LILRA4: variants seen among roughly 807,000 people sequenced by gnomAD.
The protein encoded by LILRA4 is leukocyte immunoglobulin like receptor A4.
In LILRA4, 51 loss-of-function variants were observed where a neutral mutation model predicts 49.5. The observed-to-expected ratio is 1.03, with a 90% CI of 0.82 to 1.30. LILRA4 has a LOEUF of 1.30. LILRA4 is among the 50% of genes most tolerant of loss of function. LILRA4 has a pLI of 0.00. For missense variants in LILRA4, 624 were observed against 625.6 expected, an observed-to-expected ratio of 1.00 and a Z score of 0.03; for synonymous variants, 272 against 265.6, an observed-to-expected ratio of 1.02 and a Z score of -0.23.
At position 54,333,739 on chromosome 19, in the gene LILRA4, C is replaced by T. The variant is rs1331537910; in HGVS notation, c.1333G>A (p.Glu445Lys). ...TAPHLQDYTV[E>K]NLIRMGVAGL... ...GCCACACCCATGCGGATGAGATTCT[C>T]CACTGTGTAATCCTGGAGGTGTGGG... Residue 445 changes from glutamate (E) to lysine (K), a missense_variant, in exon 8 of 8, where the codon GAG becomes AAG. Physicochemically the swap from Glu to Lys is moderately conservative, Grantham distance 56. Transcript: ENST00000291759. 3 of 1,614,086 alleles carry T rather than the reference C, an allele frequency of 1.9e-6. No individual in the cohort carries two copies. Among genetic ancestry groups the T allele is most frequent in the Admixed American group, 3.3e-5 (2 of 59,996 alleles).
chr19:54,336,776 A>C, intron 6 of LILRA4, 65 bp downstream of exon 6: 1 of 1,569,870 alleles, frequency 6.4e-7, no homozygotes, highest in Non-Finnish European at 8.7e-7. Flanking sequence ...ACTCTCTTGG[A>C]AGCTCTCCTT....
In LILRA4 at chr19:54,333,296, G is replaced by A. The variant is rs2081289639; in HGVS notation, c.*276C>T. The A allele has an allele frequency of 1.9e-6, 1 of 515,210 alleles. No homozygotes were observed. The highest frequency in any genetic ancestry group is 3.4e-6 in the Non-Finnish European group (1 of 294,300). 31.9% of individuals were successfully genotyped at this position (515,210 alleles called of 1,614,324 possible). A position where few individuals can be genotyped will look rare whatever the true frequency, so the allele number is the denominator to read the frequency against. ...GCAGTAGTTAGAAATAAAGAAAGGTGTATTACCTGAAAGTGGAGCAGAGCA... is the reference window on the plus strand; with the variant it reads ...GCAGTAGTTAGAAATAAAGAAAGGTATATTACCTGAAAGTGGAGCAGAGCA... On this transcript the variant is annotated 3_prime_UTR_variant, in exon 8 of 8. Coordinates refer to ENST00000291759, the MANE Select transcript of LILRA4 (RefSeq NM_012276.5).
chr19:54,335,052 A>C (rs2081309727), intron 6 of LILRA4: 1 of 152,320 alleles, frequency 6.6e-6, no homozygotes, highest in East Asian at 1.9e-4. Context: ...AAAAATATTA[A>C]GCACAGGATT....
chr19:54,338,685 A>C lies in LILRA4; in HGVS notation c.71-5T>G. The C allele has an allele frequency of 6.2e-7, 1 of 1,604,584 alleles. No homozygotes were observed. The highest frequency in any genetic ancestry group is 8.5e-7 in the Non-Finnish European group (1 of 1,175,034). ...GGATGGGTTTGAGTAGGTTTTCTGG[A>C]AGGAAATTACAGGTTAGGTCCCAAG... On this transcript the variant is annotated splice_region_variant and splice_polypyrimidine_tract_variant and intron_variant, in intron 2 of 7. Coordinates refer to ENST00000291759, the MANE Select transcript of LILRA4 (RefSeq NM_012276.5).
chr19:54,336,896 G>T lies in LILRA4; in HGVS notation c.1200C>A (p.Ser400Arg), dbSNP rs1407588819. Residue 400 changes from serine to arginine, a missense_variant, in exon 6 of 8, where the codon AGC becomes AGA. Ser to Arg is a moderately radical substitution (Grantham distance 110). Transcript: ENST00000291759. ...GGTGAGACAGCAGGTAGGGGTTGGA[G>T]CTGCGTGAGCCGTAGCACCTGTAGG... ...AGTYRCYGSR[S>R]SNPYLLSHPS... The T allele has an allele frequency of 4.3e-6, 7 of 1,614,232 alleles. No homozygotes were observed. Among genetic ancestry groups the T allele is most frequent in the South Asian group, 2.2e-5 (2 of 91,088 alleles).
chr19:54,338,278 C>T (rs756355466), intron 3 of LILRA4, 43 bp from the exon 4 acceptor site: 9 of 1,592,180 alleles, frequency 5.7e-6, no homozygotes, highest in Admixed American at 3.5e-5. Flanking sequence ...ATGGGGCTCA[C>T]ACCTCCCACC....
chr19:54,338,970 C>T, intron 1 of LILRA4, 69 bp from the exon 2 acceptor site: 1 of 1,612,904 alleles, frequency 6.2e-7, no homozygotes, highest in Non-Finnish European at 8.5e-7. Context: ...TTCCTTGAGC[C>T]CCTGGGATGC....
intron 3 of LILRA4, 74 bp downstream of exon 3, chr19:54,338,322 C>G: frequency 3.8e-6 from 6 of 1,599,314 alleles, no homozygotes; most frequent in Non-Finnish European, 4.3e-6. Context: ...AGAAGGGAGA[C>G]CCCTCGAGAG....
At position 54,336,952 on chromosome 19, in the gene LILRA4, T is replaced by C. The variant is rs2081330204; in HGVS notation, c.1144A>G (p.Met382Val). The change falls in exon 6 of 8, where the codon ATG becomes GTG. Residue 382 changes from methionine (M) to valine (V), a missense_variant. Coordinates refer to ENST00000291759, the MANE Select transcript of LILRA4 (RefSeq NM_012276.5). ...GAHKYQAEFP[M>V]SPVTSAHAGT... ...GCGTGGGCTGAGGTCACAGGACTCA[T>C]GGGGAATTCAGCCTGGTACTTATGA... The C allele has an allele frequency of 1.2e-6, 2 of 1,614,084 alleles. No homozygotes were observed. The highest frequency in any genetic ancestry group is 1.7e-5 in the Admixed American group (1 of 60,010).
Position 54,336,953 on chromosome 19 carries a change from G to A in LILRA4, c.1143C>T (p.Pro381=), listed in dbSNP as rs1007470900. 9 of 1,614,108 alleles carry A rather than the reference G, an allele frequency of 5.6e-6. No individual in the cohort carries two copies. The highest frequency in any genetic ancestry group is 7.6e-6 in the Non-Finnish European group (9 of 1,180,042). The change falls in exon 6 of 8, where the codon CCC becomes CCT. Residue 381 remains proline (P), a synonymous_variant. Coordinates refer to ENST00000291759, the MANE Select transcript of LILRA4 (RefSeq NM_012276.5). ...YGAHKYQAEF[P]MSPVTSAHAG... ...CGTGGGCTGAGGTCACAGGACTCAT[G>A]GGGAATTCAGCCTGGTACTTATGAG... is the stretch of plus-strand genomic sequence containing the variant.
At position 54,334,255 on chromosome 19, in the gene LILRA4, G is replaced by A. The variant is rs754743264; in HGVS notation, c.1256-290C>T. 4 of 429,124 alleles carry A rather than the reference G, an allele frequency of 9.3e-6. 1 individual carries two copies. Among genetic ancestry groups the A allele is most frequent in the Non-Finnish European group, 1.7e-5 (4 of 239,716 alleles). The allele number at this position is 429,124 out of a possible 1,614,324, so 26.6% of individuals were successfully genotyped here. On this transcript the variant is annotated intron_variant, in intron 6 of 7. Coordinates refer to ENST00000291759, the MANE Select transcript of LILRA4 (RefSeq NM_012276.5). The stretch of plus-strand genomic sequence containing the variant: ...CCCAACTAGAAAGAATTGAGCTCTT[G>A]TGTGCTGTCTTGGATGTGCAATCTT...
At position 54,338,619 on chromosome 19, in the gene LILRA4, G is replaced by A. The variant is rs142479117; in HGVS notation, c.132C>T (p.Pro44=). ...GGGTGCCCTGACACCAGATGGTCAC[G>A]GGGTTATGCCAGGTGATCACGGGAC... is the stretch of plus-strand genomic sequence containing the variant. ...EPGPVITWHN[P]VTIWCQGTLE... is the part of the protein sequence containing the mutation. The change falls in exon 3 of 8, where the codon CCC becomes CCT. Residue 44 remains proline, a synonymous_variant. Coordinates refer to ENST00000291759, the MANE Select transcript of LILRA4 (RefSeq NM_012276.5). The A allele has an allele frequency of 9.0e-5, 145 of 1,614,028 alleles. No homozygotes were observed. In the Middle Eastern group the frequency reaches 2.0e-3, roughly 22 times the overall value.
Position 54,337,403 on chromosome 19 carries a change from C to T in LILRA4, c.949G>A (p.Ala317Thr), listed in dbSNP as rs147666256. Residue 317 changes from alanine (A) to threonine (T), a missense_variant, in exon 5 of 8, where the codon GCA (alanine) becomes ACA (threonine). Physicochemically the swap from Ala to Thr is moderately conservative, Grantham distance 58. Coordinates refer to ENST00000291759, the MANE Select transcript of LILRA4 (RefSeq NM_012276.5). ...APSDPLDILI[A>T]GQISDRPSLS... ...CTGAACCCGCTGGGCTCCTCACCTG[C>T]GATCAGGATATCCAGGGGGTCACTG... 474 of 1,610,462 alleles carry T rather than the reference C, an allele frequency of 2.9e-4. 3 individuals carry two copies. The African/African-American group carries it at 3.2e-3, about 11-fold the overall frequency.
chr19:54,337,061 C>G lies in LILRA4; in HGVS notation c.1035G>C (p.Gln345His), dbSNP rs773475784. The G allele has an allele frequency of 3.1e-6, 5 of 1,613,976 alleles. No homozygotes were observed. Among genetic ancestry groups the G allele is most frequent in the Middle Eastern group, 3.3e-4 (2 of 6,084 alleles). ...TSGEKVTLLC[Q>H]SWDPMFTFLL... The stretch of plus-strand genomic sequence containing the variant: ...GGAAAGTGAACATCGGGTCCCATGA[C>G]TGACACAGCAGGGTCACCTTCTCTC... The change falls in exon 6 of 8, where the codon CAG (glutamine) becomes CAC (histidine). Residue 345 changes from glutamine to histidine, a missense_variant. By Grantham distance (24) the Gln-to-His change is conservative. Coordinates refer to ENST00000291759, the MANE Select transcript of LILRA4 (RefSeq NM_012276.5).
rs1193783859 is a variant in LILRA4, at chr19:54,336,989, T to G, written c.1107A>C (p.Ser369=). The change falls in exon 6 of 8, where the codon TCA becomes TCC. Residue 369 remains serine, a synonymous_variant. Transcript: ENST00000291759. ...GAAHPPLRLR[S]MYGAHKYQAE... is the part of the protein sequence containing the mutation. The stretch of plus-strand genomic sequence containing the variant: ...CCTGGTACTTATGAGCTCCGTACAT[T>G]GATCTCAGACGCAACGGGGGATGGG... 4 of 1,614,130 alleles carry G rather than the reference T, an allele frequency of 2.5e-6. No homozygotes were observed. In the South Asian group the frequency reaches 4.4e-5, roughly 18 times the overall value.
At position 54,333,609 on chromosome 19, in the gene LILRA4, G is replaced by T. The variant is rs776706834; in HGVS notation, c.1463C>A (p.Ala488Glu). ...CCAAGGCTCCACCACTCTGAAGGGT[G>T]CATTGTCCTTTCTGCTGTTTGCCTC... ...SQEANSRKDN[A>E]PFRVVEPWEQ... The change falls in exon 8 of 8, where the codon GCA becomes GAA. Residue 488 changes from alanine (A) to glutamate (E), a missense_variant. Coordinates refer to ENST00000291759, the MANE Select transcript of LILRA4 (RefSeq NM_012276.5). 1 of 1,614,140 alleles carries T rather than the reference G, an allele frequency of 6.2e-7. No homozygotes were observed. The highest frequency in any genetic ancestry group is 8.5e-7 in the Non-Finnish European group (1 of 1,180,018).
rs2081352296 is a variant in LILRA4, at chr19:54,338,117, T to G, written c.474A>C (p.Gly158=). ...GLGRFTLIEE[G]DHRLSWTLNS... ...TCAGGGTCCAGGAGAGCCTGTGGTC[T>G]CCTTCCTCAATCAGAGTGAACCTGC... Residue 158 remains glycine, a synonymous_variant, in exon 4 of 8, where the codon GGA becomes GGC. Coordinates refer to ENST00000291759, the MANE Select transcript of LILRA4 (RefSeq NM_012276.5). The G allele has an allele frequency of 1.9e-6, 3 of 1,614,042 alleles. No homozygotes were observed. The East Asian group carries it at 6.7e-5, about 36-fold the overall frequency.
In LILRA4 at chr19:54,337,461, G is replaced by A. The variant is rs117434371; in HGVS notation, c.891C>T (p.Gly297=). Residue 297 remains glycine (G), a synonymous_variant, in exon 5 of 8, where the codon GGC becomes GGT. Coordinates refer to ENST00000291759, the MANE Select transcript of LILRA4 (RefSeq NM_012276.5). ...ACCACTCGGAGGAGACGTTGTGTGCGCCGTAGCATCTGTACTGGCCCCCGT... is the reference window on the plus strand; with the variant it reads ...ACCACTCGGAGGAGACGTTGTGTGCACCGTAGCATCTGTACTGGCCCCCGT... ...RSYGGQYRCY[G]AHNVSSEWSA... is the part of the protein sequence containing the mutation. The A allele has an allele frequency of 8.9e-3, 14,411 of 1,611,886 alleles. 134 individuals carry two copies. Among genetic ancestry groups the A allele is most frequent in the South Asian group, 0.028 (2,547 of 90,998 alleles).
At chr19:54,334,276 A>G (rs1412401209) in intron 6 of LILRA4, 1 of 324,332 alleles carries the variant, frequency 3.1e-6, no homozygotes, top group Non-Finnish European at 5.6e-6. Context: ...TGGATGTGCA[A>G]TCTTGTGCAA....
Sources: allele counts gnomAD v4.1 joint callset, GRCh38; gene constraint gnomAD v4.1.1; transcripts MANE v1.5; gene names NCBI Gene and HGNC (gene_info 2026-07-23, HGNC 2026-07-21).